Variants in ADAMTS12 observed in about 807,000 individuals in gnomAD.
The protein encoded by ADAMTS12 is ADAM metallopeptidase with thrombospondin type 1 motif 12, also known as A disintegrin and metalloproteinase with thrombospondin motifs 12.
In ADAMTS12, 118 loss-of-function variants were observed where a neutral mutation model predicts 167.8. The ratio of observed to expected loss-of-function variants is 0.70; its 90% CI spans 0.61 to 0.82. The LOEUF (loss-of-function observed/expected upper bound fraction) is 0.82. Among genes scored for constraint, ADAMTS12 ranks in the 40% least tolerant of loss-of-function variants. The pLI is 0.00. For synonymous variants in ADAMTS12, 704 were observed against 716.9 expected (o/e 0.98, Z 0.29); for missense variants, 1,916 against 1,998.8 (o/e 0.96, Z 0.79).
At chr5:33,540,680 C>G (rs916476144) in intron 22 of ADAMTS12, among the ~76,000 whole-genome samples, 5 of 152,198 alleles carry the variant, frequency 3.3e-5, no homozygotes, top group African/African-American at 1.2e-4. Context: ...CTGGTGATAC[C>G]CAGGCAAACA....
intron 3 of ADAMTS12, among the ~76,000 whole-genome samples, chr5:33,685,809 A>G (rs1475101826): frequency 6.6e-6 from 1 of 152,164 alleles, no homozygotes; most frequent in Non-Finnish European, 1.5e-5. Flanking sequence ...TGAATTCCCT[A>G]AGAAATGTCA....
At chr5:33,664,117 T>A (rs114917812) in intron 5 of ADAMTS12, among the ~76,000 whole-genome samples, 2 of 152,158 alleles carry the variant, frequency 1.3e-5, no homozygotes, top group Admixed American at 1.3e-4. Context: ...GCAATTCCTA[T>A]CAAAATCTCA....
chr5:33,804,163 T>C (rs541180804), intron 2 of ADAMTS12, among the ~76,000 whole-genome samples: 1 of 152,334 alleles, frequency 6.6e-6, no homozygotes, highest in African/African-American at 2.4e-5. Flanking sequence ...CCAAAATACA[T>C]TATCTTCATT....
chr5:33,881,288 G>T lies in ADAMTS12; in HGVS notation c.320C>A (p.Thr107Lys). 1 of 1,614,194 alleles carries T rather than the reference G, an allele frequency of 6.2e-7. No homozygotes were observed. The stretch of plus-strand genomic sequence containing the variant: ...ATTGGAAAGAAATCCTTGATTGACC[G>T]TCAAGTTAAAAAACAGGTCCTTCTC... ...HEEKDLFFNL[T>K]VNQGFLSNSY... The change falls in exon 2 of 24, where the codon ACG becomes AAG. Residue 107 changes from threonine to lysine, a missense_variant. Thr to Lys is a moderately conservative substitution (Grantham distance 78). Transcript: ENST00000504830.
In ADAMTS12 at chr5:33,608,832, A is replaced by G. The variant is rs922384667; in HGVS notation, c.2527+5406T>C. Among the ~76,000 whole-genome samples, 6 of 152,296 alleles carry G rather than the reference A, an allele frequency of 3.9e-5. No individual in the cohort carries two copies. The South Asian group carries it at 1.2e-3, about 32-fold the overall frequency. On this transcript the variant is annotated intron_variant, in intron 16 of 23. Coordinates refer to ENST00000504830, the MANE Select transcript of ADAMTS12 (RefSeq NM_030955.4). ...CCCTGGCTGTGGTGATAAGCCTCGG[A>G]TCTGATGGAGGAAATCCAATTGAAA...
At chr5:33,835,680 A>G (rs1374531865) in intron 2 of ADAMTS12, among the ~76,000 whole-genome samples, 1 of 110,232 alleles carries the variant, frequency 9.1e-6, no homozygotes, top group Admixed American at 9.3e-5. Context: ...TCACCTCCCA[A>G]TGGCCCTACC....
intron 2 of ADAMTS12, among the ~76,000 whole-genome samples, chr5:33,845,795 T>C (rs1185740948): frequency 6.6e-6 from 1 of 152,226 alleles, no homozygotes; most frequent in Non-Finnish European, 1.5e-5. Context: ...CTTCCGGCTA[T>C]TTCTGCCAAA....
intron 2 of ADAMTS12, among the ~76,000 whole-genome samples, chr5:33,880,627 A>G (rs1956003481): frequency 6.6e-6 from 1 of 152,282 alleles, no homozygotes; most frequent in Non-Finnish European, 1.5e-5. Context: ...ATGAGAAAAC[A>G]GAGGCACAAA....
At chr5:33,660,706 C>A (rs920129292) in intron 6 of ADAMTS12, among the ~76,000 whole-genome samples, 2 of 152,170 alleles carry the variant, frequency 1.3e-5, no homozygotes, top group African/African-American at 4.8e-5. Flanking sequence ...TGCTAGCTCC[C>A]CAGAGTCCCC....
chr5:33,786,166 C>T (rs28690244), intron 2 of ADAMTS12, among the ~76,000 whole-genome samples: 23,194 of 152,030 alleles, frequency 0.15, 2,085 homozygotes, highest in East Asian at 0.4. Flanking sequence ...GATAGGAATG[C>T]AGATTGCCAA....
intron 18 of ADAMTS12, among the ~76,000 whole-genome samples, chr5:33,585,814 G>A (rs1312068001): frequency 6.6e-6 from 1 of 152,288 alleles, no homozygotes; most frequent in African/African-American, 2.4e-5. Flanking sequence ...GCCTGTCTGG[G>A]GCAGCAGGGG....
At chr5:33,661,882 A>G (rs1183375518) in intron 6 of ADAMTS12, 34 bp downstream of exon 6, 1 of 1,611,534 alleles carries the variant, frequency 6.2e-7, no homozygotes, top group African/African-American at 1.3e-5. Flanking sequence ...TCCCTGCTTT[A>G]CTGCCCCTGG....
chr5:33,561,671 CT>C (rs1469800594), intron 19 of ADAMTS12, among the ~76,000 whole-genome samples: 1 of 152,138 alleles, frequency 6.6e-6, no homozygotes, highest in Non-Finnish European at 1.5e-5. Context: ...TTCCCAGCTA[CT>C]TAGGAGGCTG....
chr5:33,680,838 G>C (rs561748557), intron 5 of ADAMTS12, among the ~76,000 whole-genome samples: 1 of 152,104 alleles, frequency 6.6e-6, no homozygotes, highest in Non-Finnish European at 1.5e-5. Flanking sequence ...TGCTAAGTTA[G>C]ATACAAAATT....
chr5:33,707,037 T>C (rs1050158366), intron 3 of ADAMTS12, among the ~76,000 whole-genome samples: 3 of 152,174 alleles, frequency 2.0e-5, no homozygotes, highest in Admixed American at 2.0e-4. Flanking sequence ...GATGACATGA[T>C]TGGATATTTA....
intron 19 of ADAMTS12, among the ~76,000 whole-genome samples, chr5:33,575,098 T>C (rs1746621811): frequency 6.6e-6 from 1 of 152,214 alleles, no homozygotes; most frequent in African/African-American, 2.4e-5. Context: ...GGGGCCAGCA[T>C]GATGTCATCA....
intron 8 of ADAMTS12, 110 bp downstream of exon 8, chr5:33,649,444 G>A: frequency 2.9e-6 from 4 of 1,370,654 alleles, no homozygotes; most frequent in Admixed American, 2.2e-5. Context: ...ATGGTGGCCT[G>A]TGGGATGGAA....
chr5:33,776,594 A>G (rs1372089860), intron 2 of ADAMTS12, among the ~76,000 whole-genome samples: 5 of 152,194 alleles, frequency 3.3e-5, no homozygotes, highest in Non-Finnish European at 7.4e-5. Context: ...AGAAGTTTGT[A>G]GCAATAAACG....
At chr5:33,865,562 C>T (rs1230508534) in intron 2 of ADAMTS12, among the ~76,000 whole-genome samples, 2 of 152,052 alleles carry the variant, frequency 1.3e-5, no homozygotes, top group Non-Finnish European at 2.9e-5. Context: ...TGGAACAAGA[C>T]AAGGATGTTC....
Sources: gnomAD v4.1 joint callset for allele counts (sites outside exome capture counted in the v4.1 genomes callset) on GRCh38, gnomAD v4.1.1 for gene constraint, MANE v1.5 for transcripts, NCBI Gene and HGNC (gene_info 2026-07-23, HGNC 2026-07-21) for gene names.